LDLRAP1: variants seen among roughly 807,000 people sequenced by gnomAD.
The protein encoded by LDLRAP1 is low density lipoprotein receptor adaptor protein 1, also known as low density lipoprotein receptor adapter protein 1.
LDLRAP1 carries 30 observed loss-of-function variants against 37.8 expected under a neutral mutation model. That is an observed-to-expected ratio of 0.79 (90% CI 0.59 to 1.08). The LOEUF (loss-of-function observed/expected upper bound fraction) is 1.08. Ranked by LOEUF, LDLRAP1 falls within the 50% of genes least tolerant of loss-of-function variation. The probability of loss-of-function intolerance (pLI) is 0.00; values close to 1 mark genes in which losing one functional copy is unlikely to be tolerated. For synonymous variants in LDLRAP1, 156 were observed against 169.8 expected, an observed-to-expected ratio of 0.92 and a Z score of 0.63; for missense variants, 375 against 401.6, an observed-to-expected ratio of 0.93 and a Z score of 0.57.
intron 4 of LDLRAP1, 56 bp from the exon 5 acceptor site, chr1:25,562,588 C>G (rs1483760160): frequency 1.3e-6 from 2 of 1,483,152 alleles, no homozygotes; most frequent in East Asian, 2.3e-5. Flanking sequence ...CCAGTGCAGA[C>G]TTGCTCTGCC....
chr1:25,565,078 A>G, intron 7 of LDLRAP1, 95 bp from the exon 8 acceptor site: 1 of 1,368,658 alleles, frequency 7.3e-7, no homozygotes, highest in South Asian at 1.2e-5. Context: ...TTGTGTCCTG[A>G]GTCCCTGTAG....
downstream of LDLRAP1, among the ~76,000 whole-genome samples, chr1:25,573,791 C>T (rs936204674): frequency 6.6e-6 from 1 of 152,228 alleles, no homozygotes; most frequent in African/African-American, 2.4e-5. Flanking sequence ...CTATTTCACA[C>T]AGGCGGGGCC....
chr1:25,567,498 C>T lies in LDLRAP1; in HGVS notation c.*506C>T, dbSNP rs148168078. The T allele has an allele frequency of 1.2e-3, 311 of 255,272 alleles. 1 individual carries two copies. The highest frequency in any genetic ancestry group is 6.1e-3 in the African/African-American group (266 of 43,486). The allele number at this position is 255,272 out of a possible 1,614,324, so 15.8% of individuals were successfully genotyped here. On this transcript the variant is annotated 3_prime_UTR_variant, in exon 9 of 9. Transcript: ENST00000374338. ...CAGCCGCAGAAGGGGAATGTGTCCT[C>T]CTGCTCTGCTTCCTCAGGGCCCAGC...
chr1:25,557,890 C>T (rs1272377771), intron 4 of LDLRAP1, among the ~76,000 whole-genome samples: 4 of 151,106 alleles, frequency 2.6e-5, no homozygotes, highest in African/African-American at 9.8e-5. Flanking sequence ...TTTTTTTCTT[C>T]TTTTTTTTAA....
chr1:25,560,188 TGGGCCTTGAATCAGGATGTTGA>T (rs552009202), intron 4 of LDLRAP1, among the ~76,000 whole-genome samples: 81 of 152,248 alleles, frequency 5.3e-4, no homozygotes, highest in East Asian at 1.7e-3. Flanking sequence ...CCGTTTGCAG[TGGGCCTTGAATCAGGATGTTGA>T]GGGCCTTGAA....
At chr1:25,551,813 CCTGGGGCCAGGG>C (rs2044077642) in intron 1 of LDLRAP1, among the ~76,000 whole-genome samples, 1 of 151,950 alleles carries the variant, frequency 6.6e-6, no homozygotes, top group African/African-American at 2.4e-5. Context: ...GGTCACTGGG[CCTGGGGCCAGGG>C]CTGGGGATGG....
At chr1:25,563,216 G>C (rs2044389867) in intron 6 of LDLRAP1, 63 bp downstream of exon 6, 4 of 1,422,114 alleles carry the variant, frequency 2.8e-6, no homozygotes, top group South Asian at 1.2e-5. Context: ...CACCCAGGGG[G>C]GTCCCACTCC....
chr1:25,565,454 G>A (rs1346828088), intron 8 of LDLRAP1, among the ~76,000 whole-genome samples: 3 of 152,120 alleles, frequency 2.0e-5, no homozygotes, highest in Non-Finnish European at 2.9e-5. Context: ...ATTCCTGGTG[G>A]CTGCTCTGCC....
chr1:25,562,693 A>G lies in LDLRAP1; in HGVS notation c.509A>G (p.Glu170Gly). ...TVAQAFKVAF[E>G]FWQVSKEEKE... ...GCCCAGGCCTTCAAAGTCGCCTTTGAGTTTTGGCAGGTGTCCAAGGAAGGT... is the reference window on the plus strand; with the variant it reads ...GCCCAGGCCTTCAAAGTCGCCTTTGGGTTTTGGCAGGTGTCCAAGGAAGGT... The change falls in exon 5 of 9, where the codon GAG becomes GGG. Residue 170 changes from glutamate to glycine, a missense_variant. Glu to Gly is a moderately conservative substitution (Grantham distance 98). Coordinates refer to ENST00000374338, the MANE Select transcript of LDLRAP1 (RefSeq NM_015627.3). 1 of 1,614,042 alleles carries G rather than the reference A, an allele frequency of 6.2e-7. No individual in the cohort carries two copies. The highest frequency in any genetic ancestry group is 8.5e-7 in the Non-Finnish European group (1 of 1,179,960).
chr1:25,564,179 G>C (rs978258321), intron 7 of LDLRAP1: 17 of 339,614 alleles, frequency 5.0e-5, no homozygotes, highest in Non-Finnish European at 9.2e-5. Context: ...CTTGGTCCCT[G>C]ACTCCCTCAG....
At chr1:25,563,457 A>G (rs1368561722) in intron 6 of LDLRAP1, among the ~76,000 whole-genome samples, 5 of 152,358 alleles carry the variant, frequency 3.3e-5, no homozygotes, top group Non-Finnish European at 5.9e-5. Flanking sequence ...TGTGAATACA[A>G]AAGTTTCAGT....
chr1:25,584,113 C>T, the LDLRAP1 span, among the ~76,000 whole-genome samples: 3 of 152,188 alleles, frequency 2.0e-5, no homozygotes, highest in Admixed American at 6.5e-5. Flanking sequence ...AGGTCCTCCG[C>T]GTGGCAGGTG....
the LDLRAP1 span, among the ~76,000 whole-genome samples, chr1:25,575,765 C>G: frequency 6.6e-6 from 1 of 152,146 alleles, no homozygotes; most frequent in Non-Finnish European, 1.5e-5. Context: ...GGGCTAAGAG[C>G]TTTACACAAA....
rs2043876684 is a variant in LDLRAP1 at position 25,544,246 on chromosome 1, C to G, written c.88+460C>G. Among the ~76,000 whole-genome samples, 1 of 152,174 alleles carries G rather than the reference C, an allele frequency of 6.6e-6. No individual in the cohort carries two copies. Among genetic ancestry groups the G allele is most frequent in the African/African-American group, 2.4e-5 (1 of 41,464 alleles). On this transcript the variant is annotated intron_variant, in intron 1 of 8. Transcript: ENST00000374338. This position sits in a 1 kb window ranked among gnomAD's most constrained non-coding sequence, Gnocchi z 4.8. ...CCAGCAGCTGCGGCGGTCAGGAGCCCACTGGCCCGTTCTCCCGCCCCCTGC... is the reference window on the plus strand; with the variant it reads ...CCAGCAGCTGCGGCGGTCAGGAGCCGACTGGCCCGTTCTCCCGCCCCCTGC...
chr1:25,560,381 G>A (rs559173365), intron 4 of LDLRAP1, among the ~76,000 whole-genome samples: 6 of 152,258 alleles, frequency 3.9e-5, no homozygotes, highest in African/African-American at 7.2e-5. Context: ...CCACCAGTCC[G>A]TTCAACTCTG....
chr1:25,587,114 C>T, the LDLRAP1 span, among the ~76,000 whole-genome samples: 2 of 152,152 alleles, frequency 1.3e-5, no homozygotes, highest in Non-Finnish European at 2.9e-5. Context: ...TGACTCCGAT[C>T]AGAAATTCTG....
the LDLRAP1 span, chr1:25,581,858 C>T: frequency 6.6e-6 from 1 of 152,308 alleles, no homozygotes; most frequent in African/African-American, 2.4e-5. Context: ...CCCCGTAGGG[C>T]TCAGGTTCAA....
chr1:25,561,091 G>T (rs2044331804), intron 4 of LDLRAP1, among the ~76,000 whole-genome samples: 1 of 152,274 alleles, frequency 6.6e-6, no homozygotes, highest in Non-Finnish European at 1.5e-5. Flanking sequence ...ATTTCCAGCA[G>T]GCTTAAATAA....
chr1:25,576,562 C>G, the LDLRAP1 span, among the ~76,000 whole-genome samples: 1 of 152,134 alleles, frequency 6.6e-6, no homozygotes, highest in African/African-American at 2.4e-5. Context: ...AAAATAAAAA[C>G]AAAAGTAGCA....
Sources: gnomAD v4.1 joint callset for allele counts (sites outside exome capture counted in the v4.1 genomes callset) on GRCh38, gnomAD v4.1.1 for gene constraint, Gnocchi (gnomAD v3.1) non-coding constraint, MANE v1.5 for transcripts, NCBI Gene and HGNC (gene_info 2026-07-23, HGNC 2026-07-21) for gene names.